CDK6: variants seen among roughly 807,000 people sequenced by gnomAD.
CDK6 encodes cyclin dependent kinase 6.
Under a neutral mutation model 37.1 loss-of-function variants are expected in CDK6, and 6 were observed. The observed-to-expected ratio is 0.16, with a 90% CI of 0.09 to 0.32. The LOEUF (loss-of-function observed/expected upper bound fraction) is 0.32, where lower values mean the gene tolerates loss of function less well. Among genes scored for constraint, CDK6 ranks in the 10% least tolerant of loss-of-function variants. The pLI is 1.00. For missense variants in CDK6, 224 were observed against 418.9 expected (o/e 0.53, Z 4.06); for synonymous variants, 160 against 161.3 (o/e 0.99, Z 0.06).
intron 2 of CDK6, among the ~76,000 whole-genome samples, chr7:92,799,635 G>A (rs1195187634): frequency 2.0e-5 from 3 of 152,084 alleles, no homozygotes; most frequent in African/African-American, 7.2e-5. Flanking sequence ...CCTGTGCTGT[G>A]AAGGTTGGCA....
chr7:92,676,603 GAATATA>G (rs1797209299), intron 4 of CDK6, among the ~76,000 whole-genome samples: 1 of 152,062 alleles, frequency 6.6e-6, no homozygotes, highest in African/African-American at 2.4e-5. Context: ...GGTTTATAAG[GAATATA>G]AATATAATCT....
At position 92,605,563 on chromosome 7, in the gene CDK6, G is replaced by C. The variant is rs1412470724; in HGVS notation, c.*9577C>G. On this transcript the variant is annotated 3_prime_UTR_variant, in exon 8 of 8. Coordinates refer to ENST00000424848, the MANE Select transcript of CDK6 (RefSeq NM_001145306.2). The stretch of plus-strand genomic sequence containing the variant: ...CTCCTCCTCAGATAGGAAGGGTATA[G>C]ATAAACTGGCTATATTTTCATCTGC... 3 of 233,174 alleles carry C rather than the reference G, an allele frequency of 1.3e-5. No homozygotes were observed. The highest frequency in any genetic ancestry group is 2.2e-5 in the African/African-American group (1 of 45,436). The allele number at this position is 233,174 out of a possible 1,614,324, so 14.4% of individuals were successfully genotyped here.
At chr7:92,665,891 T>C (rs1266088259) in intron 5 of CDK6, among the ~76,000 whole-genome samples, 1 of 152,244 alleles carries the variant, frequency 6.6e-6, no homozygotes, top group African/African-American at 2.4e-5. Context: ...GATTGTTGTA[T>C]GCCCATGGGC....
chr7:92,705,180 A>G (rs577020728), intron 4 of CDK6, among the ~76,000 whole-genome samples: 28 of 152,276 alleles, frequency 1.8e-4, no homozygotes, highest in African/African-American at 6.7e-4. Context: ...TTTGAAGTAC[A>G]TCCTTTAGAA....
chr7:92,738,134 G>A (rs1169191945), intron 3 of CDK6, among the ~76,000 whole-genome samples: 3 of 152,110 alleles, frequency 2.0e-5, no homozygotes, highest in Non-Finnish European at 4.4e-5. Context: ...CCAGTGGAAG[G>A]AGGACCATGT....
chr7:92,694,700 A>G (rs560738472), intron 4 of CDK6, among the ~76,000 whole-genome samples: 90 of 152,326 alleles, frequency 5.9e-4, no homozygotes, highest in African/African-American at 2.1e-3. Flanking sequence ...TTTCAGAATC[A>G]AGCATCATTG....
intron 2 of CDK6, among the ~76,000 whole-genome samples, chr7:92,795,903 C>G (rs1372446318): frequency 6.6e-6 from 1 of 152,016 alleles, no homozygotes; most frequent in Non-Finnish European, 1.5e-5. Context: ...ACTAGTGTTT[C>G]TTAGCTGTTA....
rs373030037 is a variant in CDK6, at chr7:92,699,145, A to C, written c.537+26481T>G. ...TGTATGTAAGATGAATCATCTTGCC[A>C]ACTTCAACTGGGCTGATAAATTTTA... On this transcript the variant is annotated intron_variant, in intron 4 of 7. Transcript: ENST00000424848. Among the ~76,000 whole-genome samples, 51 of 152,302 alleles carry C rather than the reference A, an allele frequency of 3.3e-4. 1 individual carries two copies. The South Asian group carries it at 9.9e-3, about 30-fold the overall frequency.
chr7:92,640,210 G>C (rs1002502430), intron 5 of CDK6, among the ~76,000 whole-genome samples: 2 of 152,144 alleles, frequency 1.3e-5, no homozygotes, highest in Non-Finnish European at 2.9e-5. Flanking sequence ...CAACGGCACT[G>C]GAAACAGCTG....
chr7:92,672,184 GACACATACAC>G (rs1168341227), intron 4 of CDK6, among the ~76,000 whole-genome samples: 74 of 44,136 alleles, frequency 1.7e-3, no homozygotes, highest in Non-Finnish European at 2.4e-3. Flanking sequence ...CACACACACA[GACACATACAC>G]ACACACACAC....
At chr7:92,710,874 C>T (rs529661520) in intron 4 of CDK6, 1 of 985,260 alleles carries the variant, frequency 1.0e-6, no homozygotes, top group East Asian at 1.1e-4. Flanking sequence ...CAGCCATGGA[C>T]CTGAGTCAGA....
At chr7:92,754,097 G>A (rs984322774) in intron 3 of CDK6, among the ~76,000 whole-genome samples, 1 of 152,050 alleles carries the variant, frequency 6.6e-6, no homozygotes, top group Non-Finnish European at 1.5e-5. Context: ...CTTCCACACA[G>A]GAAGAGATGA....
intron 4 of CDK6, among the ~76,000 whole-genome samples, chr7:92,681,529 C>T (rs906097641): frequency 1.3e-5 from 2 of 152,196 alleles, no homozygotes; most frequent in African/African-American, 4.8e-5. Context: ...GCCTTTAGGT[C>T]AAAGTAAGCT....
chr7:92,629,586 C>A (rs879472368), intron 5 of CDK6, among the ~76,000 whole-genome samples: 1 of 152,028 alleles, frequency 6.6e-6, no homozygotes, highest in South Asian at 2.1e-4. Flanking sequence ...TAAGACTAAG[C>A]GGTCGTTGAG....
At chr7:92,784,362 C>T (rs1584087097) in intron 2 of CDK6, among the ~76,000 whole-genome samples, 1 of 152,144 alleles carries the variant, frequency 6.6e-6, no homozygotes, top group Non-Finnish European at 1.5e-5. Context: ...ACACAGCCAA[C>T]TCTACAAAAA....
intron 4 of CDK6, among the ~76,000 whole-genome samples, chr7:92,695,066 T>C (rs1164177870): frequency 6.6e-6 from 1 of 152,052 alleles, no homozygotes; most frequent in East Asian, 1.9e-4. Context: ...TTCTGTTTCA[T>C]GCAAATGATC....
At chr7:92,711,960 G>A (rs1048276313) in intron 4 of CDK6, among the ~76,000 whole-genome samples, 1 of 151,864 alleles carries the variant, frequency 6.6e-6, no homozygotes. Context: ...AGGCTGAGGC[G>A]GGCAGATCAC....
At chr7:92,628,972 T>C (rs2116507048) in intron 5 of CDK6, among the ~76,000 whole-genome samples, 1 of 151,950 alleles carries the variant, frequency 6.6e-6, no homozygotes, top group African/African-American at 2.4e-5. Context: ...AGAAAAAGTG[T>C]AGCAAAGGCA....
At chr7:92,778,486 T>C (rs2115802334) in intron 2 of CDK6, among the ~76,000 whole-genome samples, 1 of 152,354 alleles carries the variant, frequency 6.6e-6, no homozygotes, top group East Asian at 1.9e-4. Context: ...ATGATTGCTA[T>C]CATGCATGGA....
Sources: allele counts gnomAD v4.1 joint callset (sites outside exome capture counted in the v4.1 genomes callset), GRCh38; gene constraint gnomAD v4.1.1; transcripts MANE v1.5; gene names NCBI Gene and HGNC (gene_info 2026-07-23, HGNC 2026-07-21).